Variants in NCKAP1 observed in about 807,000 individuals in gnomAD.
The protein encoded by NCKAP1 is nck-associated protein 1.
Under a neutral mutation model 151.2 loss-of-function variants are expected in NCKAP1, and 21 were observed. The observed-to-expected ratio is 0.14, with a 90% confidence interval of 0.10 to 0.20. NCKAP1 has a LOEUF of 0.20. Ranked by LOEUF, NCKAP1 falls within the 10% of genes least tolerant of loss-of-function variation. The pLI, the probability that NCKAP1 is intolerant of heterozygous loss-of-function variation, is 1.00. For missense variants in NCKAP1, 933 were observed against 1,352.1 expected, an observed-to-expected ratio of 0.69 and a Z score of 4.86; for synonymous variants, 484 against 451.8, an observed-to-expected ratio of 1.07 and a Z score of -0.90.
At chr2:182,967,183 T>A in intron 16 of NCKAP1, 33 bp downstream of exon 16, 1 of 1,578,354 alleles carries the variant, frequency 6.3e-7, no homozygotes, top group South Asian at 1.2e-5. Context: ...ACTAAAACTT[T>A]CAAATCCAGA....
chr2:182,992,890 A>T (rs1667361143), intron 8 of NCKAP1, among the ~76,000 whole-genome samples: 1 of 152,182 alleles, frequency 6.6e-6, no homozygotes, highest in Non-Finnish European at 1.5e-5. Flanking sequence ...AATAAAAACT[A>T]TGAGCTTGTA....
At position 183,038,236 on chromosome 2, in the gene NCKAP1, G is replaced by A. The variant is rs923599343; in HGVS notation, c.-137C>T. 3 of 523,632 alleles carry A rather than the reference G, an allele frequency of 5.7e-6. No homozygotes were observed. The highest frequency in any genetic ancestry group is 3.3e-5 in the South Asian group (1 of 30,740). The allele number at this position is 523,632 out of a possible 1,614,324, so 32.4% of individuals were successfully genotyped here. A position where few individuals can be genotyped will look rare whatever the true frequency, so the allele number is the denominator to read the frequency against. ...TTAGGAGAGCGCGCCCATGGCCCTCGCGCCCCAATCCCGCGCCGGCGACAG... is the reference window on the plus strand; with the variant it reads ...TTAGGAGAGCGCGCCCATGGCCCTCACGCCCCAATCCCGCGCCGGCGACAG... On this transcript the variant is annotated 5_prime_UTR_variant, in exon 1 of 31. Coordinates refer to ENST00000361354, the MANE Select transcript of NCKAP1 (RefSeq NM_013436.5).
chr2:182,926,933 A>T (rs1696660089), intron 29 of NCKAP1, 28 bp from the exon 30 acceptor site: 2 of 1,462,120 alleles, frequency 1.4e-6, no homozygotes, highest in Non-Finnish European at 1.9e-6. Context: ...ACATAAAGTG[A>T]GTTTGTTAAT....
rs1466802490 is a variant in NCKAP1, at chr2:182,912,359, C to T, written c.*13343G>A. ...TTTTTGCCAGTGCCAAAAAGATTTC[C>T]AAATCTTTTCAGCTAAAAAGCCAGC... On this transcript the variant is annotated 3_prime_UTR_variant, in exon 31 of 31. Transcript: ENST00000361354. 1 of 152,072 alleles carries T rather than the reference C, an allele frequency of 6.6e-6. No individual in the cohort carries two copies. Among genetic ancestry groups the T allele is most frequent in the Non-Finnish European group, 1.5e-5 (1 of 67,984 alleles). 9.4% of individuals were successfully genotyped at this position (152,072 alleles called of 1,614,324 possible). A position where few individuals can be genotyped will look rare whatever the true frequency, so the allele number is the denominator to read the frequency against.
chr2:182,957,106 CA>C (rs1697343556), intron 19 of NCKAP1: 1 of 181,438 alleles, frequency 5.5e-6, no homozygotes, highest in Admixed American at 6.1e-5. Flanking sequence ...TCTAATATAT[CA>C]AAAACATGCC....
At chr2:182,927,275 T>G (rs1696667471) in intron 29 of NCKAP1, 1 of 159,648 alleles carries the variant, frequency 6.3e-6, no homozygotes, top group Admixed American at 6.5e-5. Context: ...GGATTTGACT[T>G]CACAGAAACA....
At chr2:182,964,553 CAT>C (rs1305226139) in intron 17 of NCKAP1, 121 bp downstream of exon 17, 6 of 668,774 alleles carry the variant, frequency 9.0e-6, no homozygotes, top group Non-Finnish European at 1.4e-5. Context: ...TCTGATTCTG[CAT>C]AGAGATGTAT....
intron 2 of NCKAP1, among the ~76,000 whole-genome samples, chr2:183,003,758 G>A (rs1175759841): frequency 3.3e-5 from 5 of 152,008 alleles, no homozygotes; most frequent in East Asian, 1.9e-4. Flanking sequence ...GTAAAGCCAC[G>A]TTACGCATGC....
At chr2:182,956,629 T>A in intron 19 of NCKAP1, 36 bp from the exon 20 acceptor site, 1 of 1,572,668 alleles carries the variant, frequency 6.4e-7, no homozygotes, top group Non-Finnish European at 8.6e-7. Context: ...AATGTTCACA[T>A]GTCATCACAG....
At chr2:183,018,516 T>C (rs1188526981) in intron 2 of NCKAP1, among the ~76,000 whole-genome samples, 1 of 152,138 alleles carries the variant, frequency 6.6e-6, no homozygotes, top group Non-Finnish European at 1.5e-5. Context: ...GTCAAGGGCC[T>C]CCCTACACCT....
intron 1 of NCKAP1, chr2:183,025,139 A>G: frequency 1.3e-6 from 1 of 752,486 alleles, no homozygotes; most frequent in Non-Finnish European, 2.1e-6. Flanking sequence ...CTACAATTTT[A>G]AAGGTATTCT....
chr2:182,965,901 G>C (rs183816389), intron 16 of NCKAP1, among the ~76,000 whole-genome samples: 13 of 152,224 alleles, frequency 8.5e-5, no homozygotes, highest in Admixed American at 6.5e-4. Flanking sequence ...AATTTGACCT[G>C]TGATGTGCCT....
At chr2:182,960,511 G>A (rs910745838) in intron 18 of NCKAP1, among the ~76,000 whole-genome samples, 36 of 152,154 alleles carry the variant, frequency 2.4e-4, no homozygotes, top group African/African-American at 8.4e-4. Flanking sequence ...AATGGTGCTG[G>A]GAAAACTGGC....
At chr2:182,975,410 T>C (rs1697785460) in intron 15 of NCKAP1, among the ~76,000 whole-genome samples, 1 of 152,002 alleles carries the variant, frequency 6.6e-6, no homozygotes, top group Non-Finnish European at 1.5e-5. Flanking sequence ...AAGAGAAAAG[T>C]GCTTATGCAT....
At chr2:183,024,245 A>G (rs1298457449) in intron 1 of NCKAP1, among the ~76,000 whole-genome samples, 1 of 152,210 alleles carries the variant, frequency 6.6e-6, no homozygotes, top group Non-Finnish European at 1.5e-5. Flanking sequence ...CTAATAAAAT[A>G]TTACAAAATT....
At chr2:183,003,130 G>A in intron 3 of NCKAP1, 100 bp from the exon 4 acceptor site, 1 of 1,301,106 alleles carries the variant, frequency 7.7e-7, no homozygotes, top group Non-Finnish European at 1.1e-6. Context: ...AGTTCTGGAA[G>A]AATTTCAATT....
chr2:182,919,771 C>T lies in NCKAP1; in HGVS notation c.*5931G>A, dbSNP rs1696521666. ...GGTTCAAGCGATTCTCCCGCCTCAG[C>T]CTCCTGAGTAGCTGGGATTACAGGC... On this transcript the variant is annotated 3_prime_UTR_variant, in exon 31 of 31. Coordinates refer to ENST00000361354, the MANE Select transcript of NCKAP1 (RefSeq NM_013436.5). The T allele has an allele frequency of 6.6e-6, 1 of 152,026 alleles. No individual in the cohort carries two copies. The highest frequency in any genetic ancestry group is 1.5e-5 in the Non-Finnish European group (1 of 68,114). 9.4% of individuals were successfully genotyped at this position (152,026 alleles called of 1,614,324 possible).
intron 6 of NCKAP1, among the ~76,000 whole-genome samples, chr2:182,998,614 G>A (rs1392919407): frequency 6.6e-6 from 1 of 151,988 alleles, no homozygotes; most frequent in Non-Finnish European, 1.5e-5. Context: ...CTGATTACCT[G>A]AGGTCTGGAA....
intron 17 of NCKAP1, among the ~76,000 whole-genome samples, chr2:182,963,608 C>A (rs1300239575): frequency 6.6e-6 from 1 of 151,812 alleles, no homozygotes; most frequent in Non-Finnish European, 1.5e-5. Flanking sequence ...TGAAGAGTAT[C>A]GTAAATCTGA....
Sources: gnomAD v4.1 joint callset for allele counts (sites outside exome capture counted in the v4.1 genomes callset) on GRCh38, gnomAD v4.1.1 for gene constraint, MANE v1.5 for transcripts, NCBI Gene and HGNC (gene_info 2026-07-23, HGNC 2026-07-21) for gene names.